The following ACOX3 variants were observed in gnomAD, a reference collection of about 807,000 sequenced individuals.
The protein encoded by ACOX3 is peroxisomal acyl-coenzyme A oxidase 3.
In ACOX3, 73 loss-of-function variants were observed where a neutral mutation model predicts 81.5. The ratio of observed to expected loss-of-function variants is 0.90; its 90% confidence interval spans 0.74 to 1.09. The LOEUF (loss-of-function observed/expected upper bound fraction) is 1.09, where lower values mean the gene tolerates loss of function less well. Ranked by LOEUF, ACOX3 falls within the 50% of genes least tolerant of loss-of-function variation. The pLI, the probability that ACOX3 is intolerant of heterozygous loss-of-function variation, is 0.00. For missense variants in ACOX3, 947 were observed against 928.0 expected, an observed-to-expected ratio of 1.02 and a Z score of -0.27; for synonymous variants, 387 against 375.1, an observed-to-expected ratio of 1.03 and a Z score of -0.37.
At chr4:8,365,958 T>C (rs1715396971), downstream of ACOX3, among the ~76,000 whole-genome samples, 1 of 152,210 alleles carries the variant, frequency 6.6e-6, no homozygotes, top group Non-Finnish European at 1.5e-5. Flanking sequence ...TGATGGGCTG[T>C]GGTGATACGA....
Position 8,432,704 on chromosome 4 carries a change from C to T in ACOX3, c.-15+7944G>A, listed in dbSNP as rs759879860. 5.3e-4 allele frequency among the ~76,000 whole-genome samples: 80 copies of T among 152,252 alleles called. No homozygotes were observed. The highest frequency in any genetic ancestry group is 8.2e-4 in the African/African-American group (34 of 41,542). On this transcript the variant is annotated intron_variant, in intron 1 of 17. Coordinates refer to ENST00000356406, the MANE Select transcript of ACOX3 (RefSeq NM_003501.3). The surrounding 1 kb of genome is among the most constrained non-coding windows in gnomAD (Gnocchi z 6.2). ...AGCACAACAGGGCTGCCACTCAGGG[C>T]GCTCAGAGCAGCCAGGGACTTCCGG...
chr4:8,381,821 C>A lies in ACOX3; in HGVS notation c.1538-214G>T, dbSNP rs1717690676. ...AGGGCCCCCCTGGCTGGAGGCACTT[C>A]CTGGCTCAGCCCAGGGCTGTCCTGA... On this transcript the variant is annotated intron_variant, in intron 13 of 17. Coordinates refer to ENST00000356406, the MANE Select transcript of ACOX3 (RefSeq NM_003501.3). This position sits in a 1 kb window ranked among gnomAD's most constrained non-coding sequence, Gnocchi z 4.3. Among the ~76,000 whole-genome samples the A allele has an allele frequency of 6.6e-6, 1 of 151,956 alleles. No homozygotes were observed. The highest frequency in any genetic ancestry group is 1.5e-5 in the Non-Finnish European group (1 of 67,954).
intron 1 of ACOX3, among the ~76,000 whole-genome samples, chr4:8,422,752 T>A (rs138188571): frequency 3.3e-4 from 50 of 152,246 alleles, no homozygotes; most frequent in Non-Finnish European, 5.1e-4. Context: ...TGGGTAGAAA[T>A]TGGGGGAGGA....
At chr4:8,364,273 A>C (rs1208864801), downstream of ACOX3, among the ~76,000 whole-genome samples, 1 of 152,220 alleles carries the variant, frequency 6.6e-6, no homozygotes, top group African/African-American at 2.4e-5. The surrounding 1 kb of genome is among the most constrained non-coding windows in gnomAD (Gnocchi z 5.0). Flanking sequence ...AGCTATTCTC[A>C]GGACCTCCCA....
chr4:8,366,138 G>C (rs1715419754), downstream of ACOX3: 1 of 152,380 alleles, frequency 6.6e-6, no homozygotes, highest in African/African-American at 2.4e-5. Flanking sequence ...CCATGGCCCT[G>C]CAGGGAGCAG....
chr4:8,396,803 C>T lies in ACOX3; in HGVS notation c.1056+134G>A, dbSNP rs994915663. On this transcript the variant is annotated intron_variant, in intron 9 of 17. Transcript: ENST00000356406. ...CCTTGCGGCCTGAGATGCCGCACTCCCGCTAACTAATCATCCTGTTAATTG... is the reference window on the plus strand; with the variant it reads ...CCTTGCGGCCTGAGATGCCGCACTCTCGCTAACTAATCATCCTGTTAATTG... The T allele has an allele frequency of 3.8e-6, 4 of 1,064,216 alleles. No individual in the cohort carries two copies. In the African/African-American group the frequency reaches 5.0e-5, roughly 13 times the overall value. The allele number at this position is 1,064,216 out of a possible 1,614,324, so 65.9% of individuals were successfully genotyped here.
At chr4:8,361,171 C>A in the ACOX3 span, among the ~76,000 whole-genome samples, 2 of 152,036 alleles carry the variant, frequency 1.3e-5, no homozygotes, top group African/African-American at 4.8e-5. Flanking sequence ...CGCCCGTAAT[C>A]CCAGCAGTTT....
rs936725131 is a variant in ACOX3 at position 8,370,377 on chromosome 4, A to G, written c.1983+531T>C. 6.6e-6 allele frequency among the ~76,000 whole-genome samples: 1 copy of G among 151,928 alleles called. No homozygotes were observed. The highest frequency in any genetic ancestry group is 2.4e-5 in the African/African-American group (1 of 41,382). Reference sequence around the variant, plus strand: ...GGCCTGACCCCATCTGCTATGAAGGAATCATTATGGAACATGGGGGGCAGG... The same window carrying G: ...GGCCTGACCCCATCTGCTATGAAGGGATCATTATGGAACATGGGGGGCAGG... On this transcript the variant is annotated intron_variant, in intron 17 of 17. Coordinates refer to ENST00000356406, the MANE Select transcript of ACOX3 (RefSeq NM_003501.3). This position sits in a 1 kb window ranked among gnomAD's most constrained non-coding sequence, Gnocchi z 6.3.
chr4:8,373,282 C>T (rs753818733), intron 16 of ACOX3, among the ~76,000 whole-genome samples: 8 of 151,478 alleles, frequency 5.3e-5, no homozygotes, highest in Non-Finnish European at 1.2e-4. Context: ...TTTTACTAAA[C>T]ACTGAACACA....
intron 1 of ACOX3, among the ~76,000 whole-genome samples, chr4:8,422,660 G>A (rs1252840303): frequency 6.6e-6 from 1 of 152,240 alleles, no homozygotes; most frequent in Non-Finnish European, 1.5e-5. Context: ...AGCTCCAGTT[G>A]TTAAAGTACT....
At chr4:8,372,443 C>T (rs755054591) in intron 16 of ACOX3, among the ~76,000 whole-genome samples, 5 of 152,100 alleles carry the variant, frequency 3.3e-5, no homozygotes, top group Admixed American at 2.6e-4. Context: ...CCCTCTCTGG[C>T]GAGGAGACCC....
chr4:8,440,177 A>C (rs1724526343), intron 1 of ACOX3, among the ~76,000 whole-genome samples: 1 of 150,098 alleles, frequency 6.7e-6, no homozygotes, highest in Admixed American at 6.7e-5. Context: ...GTGGACCCTT[A>C]AAGTCGTAAG....
chr4:8,409,352 T>C (rs998476420), intron 6 of ACOX3, among the ~76,000 whole-genome samples: 3 of 152,144 alleles, frequency 2.0e-5, no homozygotes, highest in African/African-American at 4.8e-5. Flanking sequence ...GGTGGGGCTG[T>C]CTGTGCACTG....
chr4:8,356,985 G>A, the ACOX3 span: 2 of 454,506 alleles, frequency 4.4e-6, no homozygotes. Context: ...GATGACCCTG[G>A]CAGATGAGGG....
Position 8,381,747 on chromosome 4 carries a change from G to A in ACOX3, c.1538-140C>T, listed in dbSNP as rs1197637265. The A allele has an allele frequency of 3.1e-6, 2 of 653,994 alleles. No homozygotes were observed. Among genetic ancestry groups the A allele is most frequent in the Non-Finnish European group, 5.2e-6 (2 of 381,396 alleles). 40.5% of individuals were successfully genotyped at this position (653,994 alleles called of 1,614,324 possible). ...ATTGACAACCAAGTGTATGGGGTGG[G>A]TCTGATTTTATAGGTAGGGAAACTG... On this transcript the variant is annotated intron_variant, in intron 13 of 17. Transcript: ENST00000356406. The surrounding 1 kb of genome is among the most constrained non-coding windows in gnomAD (Gnocchi z 4.3).
At position 8,381,905 on chromosome 4, in the gene ACOX3, G is replaced by A. The variant is rs1717701597; in HGVS notation, c.1538-298C>T. On this transcript the variant is annotated intron_variant, in intron 13 of 17. Transcript: ENST00000356406. This position sits in a 1 kb window ranked among gnomAD's most constrained non-coding sequence, Gnocchi z 4.3. The stretch of plus-strand genomic sequence containing the variant: ...GGAACACGGTGCCGCCGCTAGAGTG[G>A]GCCCCCGAGTGGGACGGCTGCACGT... Among the ~76,000 whole-genome samples, 1 of 152,248 alleles carries A rather than the reference G, an allele frequency of 6.6e-6. No homozygotes were observed. The highest frequency in any genetic ancestry group is 2.4e-5 in the African/African-American group (1 of 41,472).
At chr4:8,415,210 C>T (rs149533009) in intron 3 of ACOX3, among the ~76,000 whole-genome samples, 1 of 152,310 alleles carries the variant, frequency 6.6e-6, no homozygotes, top group African/African-American at 2.4e-5. Flanking sequence ...ACACAGAAAT[C>T]ACCTGGGAAT....
chr4:8,358,256 A>G, the ACOX3 span: 3 of 151,792 alleles, frequency 2.0e-5, no homozygotes, highest in Non-Finnish European at 2.9e-5. Flanking sequence ...TTTTCTGGAG[A>G]CTCTGACACC....
chr4:8,415,231 G>A (rs1178182138), intron 3 of ACOX3, among the ~76,000 whole-genome samples: 2 of 152,276 alleles, frequency 1.3e-5, no homozygotes, highest in East Asian at 3.9e-4. Context: ...TAAGATGCCT[G>A]CAAGGAGTCC....
Sources: gnomAD v4.1 joint callset for allele counts (sites outside exome capture counted in the v4.1 genomes callset) on GRCh38, gnomAD v4.1.1 for gene constraint, Gnocchi (gnomAD v3.1) non-coding constraint, MANE v1.5 for transcripts, NCBI Gene and HGNC (gene_info 2026-07-23, HGNC 2026-07-21) for gene names.